The following UNC45B variants were observed in gnomAD, a reference collection of about 807,000 sequenced individuals.
The protein encoded by UNC45B is protein unc-45 homolog B.
A neutral mutation model predicts 98.7 loss-of-function variants in UNC45B; 78 were observed. The ratio of observed to expected loss-of-function variants is 0.79; its 90% CI spans 0.66 to 0.95. The LOEUF is 0.95. Among genes scored for constraint, UNC45B ranks in the 40% least tolerant of loss-of-function variants. The pLI is 0.00. For synonymous variants in UNC45B, 462 were observed against 480.4 expected, an observed-to-expected ratio of 0.96 and a Z score of 0.50; for missense variants, 1,225 against 1,184.9, an observed-to-expected ratio of 1.03 and a Z score of -0.50.
chr17:35,176,493 G>A (rs2092234757), intron 15 of UNC45B, among the ~76,000 whole-genome samples: 1 of 152,086 alleles, frequency 6.6e-6, no homozygotes, highest in African/African-American at 2.4e-5. Flanking sequence ...TTAAGATTGG[G>A]TTTGGCTGCA....
At chr17:35,184,707 G>A (rs2092293280) in intron 19 of UNC45B, among the ~76,000 whole-genome samples, 1 of 151,806 alleles carries the variant, frequency 6.6e-6, no homozygotes, top group South Asian at 2.1e-4. Flanking sequence ...CACGCAGGCT[G>A]TTAGTTGGGA....
chr17:35,154,450 T>G, intron 5 of UNC45B, 124 bp from the exon 6 acceptor site: 54 of 867,536 alleles, frequency 6.2e-5, no homozygotes, highest in Non-Finnish European at 7.7e-5. Context: ...ATTACCAAGG[T>G]GAGATAATAG....
At chr17:35,176,172 C>T in intron 15 of UNC45B, 138 bp downstream of exon 15, 1 of 783,884 alleles carries the variant, frequency 1.3e-6, no homozygotes, top group Middle Eastern at 2.3e-4. Context: ...CTCATAGCCC[C>T]AAGCCAATTT....
In UNC45B at chr17:35,163,811, G is replaced by A. The variant is rs112357859; in HGVS notation, c.980-184G>A. Among the ~76,000 whole-genome samples the A allele has an allele frequency of 5.2e-3, 793 of 152,290 alleles. 9 individuals are homozygous for A. The highest frequency in any genetic ancestry group is 0.018 in the African/African-American group (750 of 41,542). On this transcript the variant is annotated intron_variant, in intron 8 of 19. Transcript: ENST00000394570. Reference sequence around the variant, plus strand: ...AGGGAGGTGAATTGGTCAAGCTGGGGGCAGTGTCAGGTGTATAACCTGGGT... The same window carrying A: ...AGGGAGGTGAATTGGTCAAGCTGGGAGCAGTGTCAGGTGTATAACCTGGGT...
In UNC45B at chr17:35,155,351, T is replaced by A. The variant is rs753192181; in HGVS notation, c.695T>A (p.Val232Glu). 16 of 1,614,184 alleles carry A rather than the reference T, an allele frequency of 9.9e-6. No homozygotes were observed. Among genetic ancestry groups the A allele is most frequent in the Non-Finnish European group, 1.3e-5 (15 of 1,180,030 alleles). Reference sequence around the variant, plus strand: ...GACCGAATCTGTAGCCTCATGGCCGTGGAGAATGAGGAGATGTCTCTGGCT... The same window carrying A: ...GACCGAATCTGTAGCCTCATGGCCGAGGAGAATGAGGAGATGTCTCTGGCT... ...RIDRICSLMA[V>E]ENEEMSLAVC... The change falls in exon 7 of 20, where the codon GTG (valine) becomes GAG (glutamate). Residue 232 changes from valine to glutamate, a missense_variant. By Grantham distance (121) the Val-to-Glu change is moderately radical (BLOSUM62 -2). Transcript: ENST00000394570.
At chr17:35,157,027 T>C (rs2092067828) in intron 7 of UNC45B, among the ~76,000 whole-genome samples, 1 of 152,188 alleles carries the variant, frequency 6.6e-6, no homozygotes, top group African/African-American at 2.4e-5. Flanking sequence ...ATTTAGAAGA[T>C]ATTGCTCTGG....
chr17:35,159,430 CAAG>C lies in UNC45B; in HGVS notation c.868_870del (p.Lys290del), dbSNP rs1479578189. Reference sequence around the variant, plus strand: ...GCCACCTGCTGGACATGCTAGTCAGCAAGAAGGTGTCTGGCCAGGGCAGGGATC... The same window carrying C: ...GCCACCTGCTGGACATGCTAGTCAGCAAGGTGTCTGGCCAGGGCAGGGATC... On this transcript the variant is annotated inframe_deletion, in exon 8 of 20. Transcript: ENST00000394570. 1 of 1,614,098 alleles carries C rather than the reference CAAG, an allele frequency of 6.2e-7. No individual in the cohort carries two copies. The highest frequency in any genetic ancestry group is 1.7e-5 in the Admixed American group (1 of 60,012).
chr17:35,159,440 T>C lies in UNC45B; in HGVS notation c.874T>C (p.Ser292Pro). Reference protein sequence around the residue: ...LLDMLVSKKVSGQGRDQALNL... With the variant: ...LLDMLVSKKVPGQGRDQALNL... ...GGACATGCTAGTCAGCAAGAAGGTG[T>C]CTGGCCAGGGCAGGGATCAGGCGCT... The change falls in exon 8 of 20, where the codon TCT becomes CCT. Residue 292 changes from serine to proline, a missense_variant. Coordinates refer to ENST00000394570, the MANE Select transcript of UNC45B (RefSeq NM_001267052.2). 2 of 1,614,098 alleles carry C rather than the reference T, an allele frequency of 1.2e-6. No homozygotes were observed. Among genetic ancestry groups the C allele is most frequent in the Non-Finnish European group, 8.5e-7 (1 of 1,180,008 alleles).
In UNC45B at chr17:35,176,667, C is replaced by T. The variant is rs569651366; in HGVS notation, c.2026-350C>T. Among the ~76,000 whole-genome samples, 14 of 152,044 alleles carry T rather than the reference C, an allele frequency of 9.2e-5. No individual in the cohort carries two copies. In the South Asian group the frequency reaches 1.2e-3, roughly 14 times the overall value. On this transcript the variant is annotated intron_variant, in intron 15 of 19. Transcript: ENST00000394570. ...TGCAGTCCAGCCTGGGCAGCAAGAGCGAAACTCTGTCTCAAAAAAACAAAA... is the reference window on the plus strand; with the variant it reads ...TGCAGTCCAGCCTGGGCAGCAAGAGTGAAACTCTGTCTCAAAAAAACAAAA...
rs138235970 is a variant in UNC45B at position 35,163,312 on chromosome 17, G to A, written c.980-683G>A. The stretch of plus-strand genomic sequence containing the variant: ...ATGTCAGTTTTCCCTATTGTATTGT[G>A]AGCTTTTGGAGGTCAGGGTTGTATC... On this transcript the variant is annotated intron_variant, in intron 8 of 19. Coordinates refer to ENST00000394570, the MANE Select transcript of UNC45B (RefSeq NM_001267052.2). Among the ~76,000 whole-genome samples, 65 of 152,176 alleles carry A rather than the reference G, an allele frequency of 4.3e-4. 1 individual carries two copies. The highest frequency in any genetic ancestry group is 1.5e-3 in the African/African-American group (63 of 41,508).
In UNC45B at chr17:35,186,436, G is replaced by C. The variant is rs746416582; in HGVS notation, c.2667G>C (p.Leu889=). The C allele has an allele frequency of 6.2e-7, 1 of 1,614,244 alleles. No individual in the cohort carries two copies. Among genetic ancestry groups the C allele is most frequent in the Non-Finnish European group, 8.5e-7 (1 of 1,180,048 alleles). ...ELAKKLVESE[L]LEILTVVGKQ... ...CCAAGAAGCTGGTGGAGAGTGAGCTGCTGGAGATCCTGACTGTGGTGGGCA... is the reference window on the plus strand; with the variant it reads ...CCAAGAAGCTGGTGGAGAGTGAGCTCCTGGAGATCCTGACTGTGGTGGGCA... Residue 889 remains leucine (L), a synonymous_variant, in exon 20 of 20, where the codon CTG becomes CTC. Coordinates refer to ENST00000394570, the MANE Select transcript of UNC45B (RefSeq NM_001267052.2).
rs767706635 is a variant in UNC45B at position 35,148,409 on chromosome 17, G to A, written c.146G>A (p.Arg49Gln). Residue 49 changes from arginine to glutamine, a missense_variant, in exon 2 of 20, where the codon CGG becomes CAG. By Grantham distance (43) the Arg-to-Gln change is conservative. Transcript: ENST00000394570. ...CTGCTGGCCACGCTTTATCGGAACC[G>A]GGCAGCCTGTGGCCTGAAAACGGTC... is the stretch of plus-strand genomic sequence containing the variant. ...KALLATLYRN[R>Q]AACGLKTESY... 9.9e-6 allele frequency: 16 copies of A among 1,613,922 alleles called. No individual in the cohort carries two copies. The highest frequency in any genetic ancestry group is 5.5e-5 in the South Asian group (5 of 91,088).
Position 35,169,980 on chromosome 17 carries a change from G to A in UNC45B, c.1547+49G>A, listed in dbSNP as rs755847036. On this transcript the variant is annotated intron_variant, in intron 11 of 19. Coordinates refer to ENST00000394570, the MANE Select transcript of UNC45B (RefSeq NM_001267052.2). ...CCCTCCATCTCCTCATGCGCCTTCC[G>A]GGCAAGAGTCTCTGGGGTGTGCTCT... is the stretch of plus-strand genomic sequence containing the variant. 70 of 1,612,658 alleles carry A rather than the reference G, an allele frequency of 4.3e-5. No individual in the cohort carries two copies. The East Asian group carries it at 5.8e-4, about 13-fold the overall frequency.
chr17:35,168,222 A>T lies in UNC45B; in HGVS notation c.1313A>T (p.Gln438Leu). The T allele has an allele frequency of 1.9e-6, 3 of 1,593,520 alleles. No homozygotes were observed. Among genetic ancestry groups the T allele is most frequent in the Non-Finnish European group, 2.6e-6 (3 of 1,169,166 alleles). ...TGTGGCTCAGAGCGCGAGACGGACCAGCTGGTGGCCGTGGAGGCCCTCATC... is the reference window on the plus strand; with the variant it reads ...TGTGGCTCAGAGCGCGAGACGGACCTGCTGGTGGCCGTGGAGGCCCTCATC... Reference protein sequence around the residue: ...ALCGSERETDQLVAVEALIHA... With the variant: ...ALCGSERETDLLVAVEALIHA... Residue 438 changes from glutamine to leucine, a missense_variant, in exon 10 of 20, where the codon CAG becomes CTG. Gln to Leu is a moderately radical substitution (Grantham distance 113, BLOSUM62 -2). Transcript: ENST00000394570.
intron 2 of UNC45B, 54 bp downstream of exon 2, chr17:35,148,485 T>A: frequency 6.4e-7 from 1 of 1,570,656 alleles, no homozygotes; most frequent in Non-Finnish European, 8.7e-7. Flanking sequence ...GCTTTGGGGC[T>A]GAGTGGCAGC....
At position 35,176,384 on chromosome 17, in the gene UNC45B, T is replaced by C. The variant is rs180932744; in HGVS notation, c.2025+350T>C. On this transcript the variant is annotated intron_variant, in intron 15 of 19. Transcript: ENST00000394570. Reference sequence around the variant, plus strand: ...AGCCACAGCTTCTTCATCTGTAAAATAGGGGGAAAATCACACTTTCAATTT... The same window carrying C: ...AGCCACAGCTTCTTCATCTGTAAAACAGGGGGAAAATCACACTTTCAATTT... Among the ~76,000 whole-genome samples, 254 of 152,184 alleles carry C rather than the reference T, an allele frequency of 1.7e-3. 1 individual carries two copies. The highest frequency in any genetic ancestry group is 2.3e-3 in the Non-Finnish European group (158 of 68,012).
rs1314419347 is a variant in UNC45B at position 35,186,495 on chromosome 17, T to A, written c.2726T>A (p.Val909Asp). The change falls in exon 20 of 20, where the codon GTT (valine) becomes GAT (aspartate). Residue 909 changes from valine (V) to aspartate (D), a missense_variant. Physicochemically the swap from Val to Asp is radical, Grantham distance 152 (BLOSUM62 -3). Coordinates refer to ENST00000394570, the MANE Select transcript of UNC45B (RefSeq NM_001267052.2). ...QEPDEKKAEV[V>D]QTARECLIKC... ...CCAGATGAGAAGAAGGCAGAAGTGG[T>A]TCAGACAGCCCGAGAATGTCTCATC... is the stretch of plus-strand genomic sequence containing the variant. The A allele has an allele frequency of 2.5e-6, 4 of 1,614,202 alleles. No individual in the cohort carries two copies. In the South Asian group the frequency reaches 4.4e-5, roughly 18 times the overall value.
rs757848656 is a variant in UNC45B at position 35,150,096 on chromosome 17, A to G, written c.254A>G (p.Gln85Arg). The G allele has an allele frequency of 1.9e-6, 3 of 1,613,168 alleles. No homozygotes were observed. Among genetic ancestry groups the G allele is most frequent in the Admixed American group, 3.3e-5 (2 of 59,902 alleles). Residue 85 changes from glutamine (Q) to arginine (R), a missense_variant, in exon 4 of 20, where the codon CAG becomes CGG. Transcript: ENST00000394570. ...ATCAAGGCTCTGTATCGGCGATGCC[A>G]GGCACTGGAGCACCTGGGGAAGCTG... ...SDIKALYRRC[Q>R]ALEHLGKLDQ... is the part of the protein sequence containing the mutation.
Position 35,149,961 on chromosome 17 carries a change from G to A in UNC45B, c.206-87G>A, listed in dbSNP as rs1162876880. 8 of 1,382,270 alleles carry A rather than the reference G, an allele frequency of 5.8e-6. No individual in the cohort carries two copies. In the Admixed American group the frequency reaches 1.0e-4, roughly 17 times the overall value. 85.6% of individuals were successfully genotyped at this position (1,382,270 alleles called of 1,614,324 possible). A position where few individuals can be genotyped will look rare whatever the true frequency, so the allele number is the denominator to read the frequency against. ...CAAGGAAGACACAGAAACGAAGCAA[G>A]AGCATGCTTCCTGGAGTTGGGGCAG... On this transcript the variant is annotated intron_variant, in intron 3 of 19. Transcript: ENST00000394570.
Sources: allele counts gnomAD v4.1 joint callset (sites outside exome capture counted in the v4.1 genomes callset), GRCh38; gene constraint gnomAD v4.1.1; transcripts MANE v1.5; gene names NCBI Gene and HGNC (gene_info 2026-07-23, HGNC 2026-07-21).